Variants in NCK1 observed in about 807,000 individuals in gnomAD.
NCK1 encodes NCK adaptor protein 1.
In NCK1, 19 loss-of-function variants were observed where a neutral mutation model predicts 36.6. The ratio of observed to expected loss-of-function variants is 0.52; its 90% CI spans 0.36 to 0.76. The LOEUF (loss-of-function observed/expected upper bound fraction) is 0.76, where lower values mean the gene tolerates loss of function less well. Ranked by LOEUF, NCK1 falls within the 30% of genes least tolerant of loss-of-function variation. The probability of loss-of-function intolerance (pLI) is 0.00; values close to 1 mark genes in which losing one functional copy is unlikely to be tolerated. For synonymous variants in NCK1, 165 were observed against 156.0 expected (o/e 1.06, Z -0.43); for missense variants, 358 against 445.6 (o/e 0.80, Z 1.77).
chr3:136,913,716 T>C (rs1185975780), intron 1 of NCK1, among the ~76,000 whole-genome samples: 3 of 152,240 alleles, frequency 2.0e-5, no homozygotes, highest in Non-Finnish European at 2.9e-5. Flanking sequence ...TCGCCCAGGC[T>C]GGAGTGCAGT....
chr3:136,927,028 G>A (rs776762628), intron 1 of NCK1, among the ~76,000 whole-genome samples: 29 of 152,246 alleles, frequency 1.9e-4, no homozygotes, highest in African/African-American at 6.5e-4. Context: ...CTGGAGTGCA[G>A]TGGCACGATC....
rs545235527 is a variant in NCK1 at position 136,923,555 on chromosome 3, G to A, written c.-18-4429G>A. 7.2e-4 allele frequency among the ~76,000 whole-genome samples: 72 copies of A among 99,680 alleles called. No homozygotes were observed. The South Asian group carries it at 0.019, about 26-fold the overall frequency. The allele number at this position is 99,680 out of a possible 152,430, so 65.4% of individuals were successfully genotyped here. On this transcript the variant is annotated intron_variant, in intron 1 of 3. Transcript: ENST00000481752. ...GGGTGACAGTGCAGTGCGAGACTCC[G>A]TCTCAAATAAATAAATAAATAAATA...
intron 1 of NCK1, among the ~76,000 whole-genome samples, chr3:136,886,841 CTTTCTT>C (rs1939086890): frequency 9.9e-6 from 1 of 101,414 alleles, no homozygotes; most frequent in Non-Finnish European, 2.1e-5. Flanking sequence ...TTTTTCCTAT[CTTTCTT>C]TTTCTTTTTT....
intron 2 of NCK1, among the ~76,000 whole-genome samples, chr3:136,939,273 A>G (rs1190659206): frequency 6.6e-6 from 1 of 152,090 alleles, no homozygotes; most frequent in Non-Finnish European, 1.5e-5. Flanking sequence ...ACAGTTGTTC[A>G]TAGTATTTGT....
chr3:136,869,905 A>T (rs1938557283), intron 1 of NCK1, among the ~76,000 whole-genome samples: 1 of 152,132 alleles, frequency 6.6e-6, no homozygotes, highest in Non-Finnish European at 1.5e-5. Context: ...ATTGTAAGTA[A>T]TGATTGCTGA....
intron 1 of NCK1, among the ~76,000 whole-genome samples, chr3:136,863,694 A>G (rs561487031): frequency 5.4e-4 from 83 of 152,332 alleles, no homozygotes; most frequent in African/African-American, 1.8e-3. Flanking sequence ...TGGCTCATGT[A>G]TTAAATTTTA....
intron 1 of NCK1, among the ~76,000 whole-genome samples, chr3:136,889,793 A>G (rs1471915686): frequency 6.6e-6 from 1 of 152,034 alleles, no homozygotes; most frequent in Non-Finnish European, 1.5e-5. Context: ...GCATTCACAA[A>G]CCCTGAGCTA....
intron 1 of NCK1, among the ~76,000 whole-genome samples, chr3:136,867,255 C>CTG (rs1938477088): frequency 6.8e-6 from 1 of 146,324 alleles, no homozygotes; most frequent in Non-Finnish European, 1.5e-5. Flanking sequence ...GTCCGTCTGT[C>CTG]TCTCTCTCTC....
At chr3:136,894,827 A>T (rs1223280994) in intron 1 of NCK1, among the ~76,000 whole-genome samples, 1 of 151,958 alleles carries the variant, frequency 6.6e-6, no homozygotes, top group Non-Finnish European at 1.5e-5. Flanking sequence ...AAATCTTATT[A>T]GTACTTTTAA....
chr3:136,927,832 C>G (rs1028345792), intron 1 of NCK1, among the ~76,000 whole-genome samples, 152 bp from the exon 2 acceptor site: 4 of 152,184 alleles, frequency 2.6e-5, no homozygotes, highest in Non-Finnish European at 5.9e-5. Context: ...CAGTCACAGT[C>G]TCTTTAAATT....
At chr3:136,886,767 A>G (rs1340067497) in intron 1 of NCK1, among the ~76,000 whole-genome samples, 2 of 149,252 alleles carry the variant, frequency 1.3e-5, no homozygotes, top group African/African-American at 4.9e-5. Context: ...GGGAACTTTA[A>G]TGAGTTACTT....
chr3:136,868,592 T>G (rs1938516202), intron 1 of NCK1, among the ~76,000 whole-genome samples: 1 of 152,286 alleles, frequency 6.6e-6, no homozygotes, highest in African/African-American at 2.4e-5. Flanking sequence ...CCTCCCAAAG[T>G]GCTGGGATTA....
chr3:136,910,519 A>G (rs776332362), intron 1 of NCK1, among the ~76,000 whole-genome samples: 1 of 152,240 alleles, frequency 6.6e-6, no homozygotes, highest in Non-Finnish European at 1.5e-5. Flanking sequence ...AGTTACAGTA[A>G]TACTAGCTTT....
chr3:136,921,398 T>G (rs1940106009), intron 1 of NCK1, among the ~76,000 whole-genome samples: 1 of 152,204 alleles, frequency 6.6e-6, no homozygotes, highest in Admixed American at 6.5e-5. Context: ...GGAGGAACTG[T>G]GGGCAGTAGT....
At chr3:136,866,312 CTTT>C (rs35197703) in intron 1 of NCK1, among the ~76,000 whole-genome samples, 1 of 143,354 alleles carries the variant, frequency 7.0e-6, no homozygotes, top group Non-Finnish European at 1.5e-5. Flanking sequence ...TTCTTTCTTT[CTTT>C]TTTTTTTTTT....
At chr3:136,942,987 C>T (rs890776507) in intron 2 of NCK1, among the ~76,000 whole-genome samples, 3 of 152,210 alleles carry the variant, frequency 2.0e-5, no homozygotes, top group Non-Finnish European at 4.4e-5. Context: ...GTATTGCTTC[C>T]TCTGGCATTA....
intron 1 of NCK1, among the ~76,000 whole-genome samples, chr3:136,916,235 T>C (rs1402892157): frequency 2.6e-5 from 4 of 152,120 alleles, no homozygotes; most frequent in Non-Finnish European, 5.9e-5. Context: ...CCTAAAACCA[T>C]TTTGTGATTA....
chr3:136,924,467 G>A (rs1940190114), intron 1 of NCK1, among the ~76,000 whole-genome samples: 1 of 152,028 alleles, frequency 6.6e-6, no homozygotes, highest in Non-Finnish European at 1.5e-5. Context: ...TAGCTTAAGT[G>A]CAATATATCG....
rs1940883734 is a variant in NCK1, at chr3:136,948,378, A to G, written c.1059A>G (p.Val353=). ...AATTCAGCACCATGGAAGAACTTGT[A>G]GAACATTACAAAAAGGCACCAATTT... The part of the protein sequence containing the change: ...QRKFSTMEEL[V]EHYKKAPIFT... The change falls in exon 4 of 4, where the codon GTA becomes GTG. Residue 353 remains valine (V), a synonymous_variant. Coordinates refer to ENST00000481752, the MANE Select transcript of NCK1 (RefSeq NM_001291999.2). The G allele has an allele frequency of 6.2e-7, 1 of 1,613,178 alleles. No homozygotes were observed. The highest frequency in any genetic ancestry group is 1.3e-5 in the African/African-American group (1 of 74,888).
Sources: gnomAD v4.1 joint callset for allele counts (sites outside exome capture counted in the v4.1 genomes callset) on GRCh38, gnomAD v4.1.1 for gene constraint, MANE v1.5 for transcripts, NCBI Gene and HGNC (gene_info 2026-07-23, HGNC 2026-07-21) for gene names.